Variants in SAMSN1 observed in about 807,000 individuals in gnomAD.
SAMSN1 encodes SAM domain, SH3 domain and nuclear localization signals 1, also known as SAM domain-containing protein SAMSN-1.
SAMSN1 carries 31 observed loss-of-function variants against 42.0 expected under a neutral mutation model. The observed-to-expected ratio is 0.74, with a 90% CI of 0.55 to 1.00. SAMSN1 has a LOEUF of 1.00. SAMSN1 is among the 50% of genes least tolerant of loss of function. SAMSN1 has a pLI of 0.00. For synonymous variants in SAMSN1, 178 were observed against 151.9 expected, an observed-to-expected ratio of 1.17 and a Z score of -1.26; for missense variants, 464 against 439.4, an observed-to-expected ratio of 1.06 and a Z score of -0.50.
intron 1 of SAMSN1, among the ~76,000 whole-genome samples, chr21:14,643,287 G>C (rs908748580): frequency 6.6e-6 from 1 of 152,126 alleles, no homozygotes; most frequent in Non-Finnish European, 1.5e-5. Flanking sequence ...TTTCAACAGT[G>C]AACAATACAG....
intron 7 of SAMSN1, among the ~76,000 whole-genome samples, chr21:14,490,699 T>A (rs1986646090): frequency 6.6e-6 from 1 of 152,186 alleles, no homozygotes; most frequent in Non-Finnish European, 1.5e-5. Context: ...AAGAATAGGA[T>A]TCCATTCATA....
intron 2 of SAMSN1, among the ~76,000 whole-genome samples, chr21:14,572,489 A>T (rs908866109): frequency 1.3e-5 from 2 of 152,154 alleles, no homozygotes; most frequent in African/African-American, 4.8e-5. Flanking sequence ...CAACTTAGTG[A>T]TGGGAAAAGT....
chr21:14,648,478 A>G (rs1983763680), intron 1 of SAMSN1, among the ~76,000 whole-genome samples: 1 of 152,256 alleles, frequency 6.6e-6, no homozygotes, highest in Non-Finnish European at 1.5e-5. Flanking sequence ...CAGAGTAAAC[A>G]GGCAACCTAA....
intron 5 of SAMSN1, among the ~76,000 whole-genome samples, chr21:14,605,514 T>C (rs922872791): frequency 4.6e-5 from 7 of 152,202 alleles, no homozygotes; most frequent in African/African-American, 1.4e-4. Flanking sequence ...ACCAGAATGG[T>C]GAATATATTT....
intron 2 of SAMSN1, among the ~76,000 whole-genome samples, chr21:14,629,637 C>T (rs1049858602): frequency 1.3e-5 from 2 of 152,174 alleles, no homozygotes; most frequent in Non-Finnish European, 1.5e-5. Context: ...AGCCTCTCAT[C>T]GCAGGGCAGG....
rs1226237508 is a variant in SAMSN1, at chr21:14,577,282, A to ATT, written c.261+4853_261+4854insAA. 9.9e-4 allele frequency among the ~76,000 whole-genome samples: 50 copies of ATT among 50,486 alleles called. 2 individuals carry two copies. The highest frequency in any genetic ancestry group is 4.5e-3 in the African/African-American group (42 of 9,314). 33.1% of individuals were successfully genotyped at this position (50,486 alleles called of 152,430 possible). A position where few individuals can be genotyped will look rare whatever the true frequency, so the allele number is the denominator to read the frequency against. The stretch of plus-strand genomic sequence containing the variant: ...TATATATATATATATATATATATAT[A>ATT]TATTTTTTTTTTAGAAGAGACAGGG... On this transcript the variant is annotated intron_variant, in intron 2 of 8. Coordinates refer to the SAMSN1 transcript ENST00000285670.
intron 2 of SAMSN1, among the ~76,000 whole-genome samples, chr21:14,623,031 G>A (rs1013546195): frequency 6.6e-6 from 1 of 152,182 alleles, no homozygotes; most frequent in African/African-American, 2.4e-5. Context: ...AGCTTTATAA[G>A]TGAAGGAGAA....
At chr21:14,616,223 T>G (rs1982834297) in intron 2 of SAMSN1, among the ~76,000 whole-genome samples, 1 of 152,138 alleles carries the variant, frequency 6.6e-6, no homozygotes, top group South Asian at 2.1e-4. Context: ...TTTTAACTTT[T>G]TTTTCCCTTT....
chr21:14,621,990 T>C (rs1411899467), intron 2 of SAMSN1, among the ~76,000 whole-genome samples: 1 of 152,256 alleles, frequency 6.6e-6, no homozygotes, highest in African/African-American at 2.4e-5. Flanking sequence ...CTGCAGCCTC[T>C]GCTGCTAATA....
chr21:14,505,129 C>T (rs955334562), intron 5 of SAMSN1, among the ~76,000 whole-genome samples: 1 of 152,088 alleles, frequency 6.6e-6, no homozygotes, highest in Non-Finnish European at 1.5e-5. Context: ...AAAACAGAAC[C>T]TCTTTGAAGC....
At chr21:14,655,016 A>G (rs1983894621) in intron 1 of SAMSN1, among the ~76,000 whole-genome samples, 1 of 152,018 alleles carries the variant, frequency 6.6e-6, no homozygotes, top group Non-Finnish European at 1.5e-5. Context: ...ATCATAAAAC[A>G]GATGGAGAGA....
At chr21:14,521,361 C>A in intron 1 of SAMSN1, 140 bp from the exon 2 acceptor site, 1 of 566,428 alleles carries the variant, frequency 1.8e-6, no homozygotes. Flanking sequence ...TCTGGAATAT[C>A]CAAAGGCTGT....
At chr21:14,610,662 C>A (rs1336407998) in intron 4 of SAMSN1, among the ~76,000 whole-genome samples, 1 of 152,152 alleles carries the variant, frequency 6.6e-6, no homozygotes, top group Non-Finnish European at 1.5e-5. Context: ...AAATTTCTCT[C>A]TTGTGTACTC....
chr21:14,545,493 T>A (rs765348994), intron 1 of SAMSN1, among the ~76,000 whole-genome samples: 5 of 151,970 alleles, frequency 3.3e-5, no homozygotes, highest in African/African-American at 9.7e-5. Flanking sequence ...TATTAATAAA[T>A]CTAGAGTTCT....
intron 7 of SAMSN1, among the ~76,000 whole-genome samples, chr21:14,487,082 T>A: frequency 6.6e-6 from 1 of 152,076 alleles, no homozygotes; most frequent in East Asian, 1.9e-4. Context: ...CAGTACCATA[T>A]CTTCCTCTTT....
At position 14,610,419 on chromosome 21, in the gene SAMSN1, G is replaced by A. The variant is rs12483126; in HGVS notation, c.236-851C>T. ...CAGACTGGTTCTCTGCTCTTGAACCGTGACAATGCATGCACATCAGGACAT... is the reference window on the plus strand; with the variant it reads ...CAGACTGGTTCTCTGCTCTTGAACCATGACAATGCATGCACATCAGGACAT... On this transcript the variant is annotated intron_variant, in intron 4 of 15. Coordinates refer to the SAMSN1 transcript ENST00000647101. Among the ~76,000 whole-genome samples the A allele has an allele frequency of 9.1e-3, 1,389 of 152,204 alleles. 55 individuals carry two copies. The highest frequency in any genetic ancestry group is 0.063 in the Admixed American group (971 of 15,296).
At chr21:14,630,321 C>T (rs1459973563) in intron 2 of SAMSN1, among the ~76,000 whole-genome samples, 1 of 151,776 alleles carries the variant, frequency 6.6e-6, no homozygotes, top group African/African-American at 2.4e-5. Context: ...GGTCCAATGT[C>T]AGTAGTGATG....
intron 4 of SAMSN1, among the ~76,000 whole-genome samples, chr21:14,511,032 T>C (rs1462791957): frequency 1.3e-5 from 2 of 152,212 alleles, no homozygotes; most frequent in African/African-American, 4.8e-5. Context: ...AGAAAAGAGA[T>C]AGCATTTTGT....
chr21:14,490,609 A>C (rs12482183), intron 7 of SAMSN1, among the ~76,000 whole-genome samples: 3,576 of 152,256 alleles, frequency 0.023, 66 homozygotes, highest in Middle Eastern at 0.048. Flanking sequence ...TGAACACTTT[A>C]ATTCTCCTAA....
Sources: gnomAD v4.1 joint callset for allele counts (sites outside exome capture counted in the v4.1 genomes callset) on GRCh38, gnomAD v4.1.1 for gene constraint, MANE v1.5 for transcripts, NCBI Gene and HGNC (gene_info 2026-07-23, HGNC 2026-07-21) for gene names.